The following PCNX1 variants were observed in gnomAD, a reference collection of about 807,000 sequenced individuals.
PCNX1 encodes the protein pecanex 1.
Under a neutral mutation model 242.2 loss-of-function variants are expected in PCNX1, and 78 were observed. The ratio of observed to expected loss-of-function variants is 0.32; its 90% CI spans 0.27 to 0.39. The LOEUF (loss-of-function observed/expected upper bound fraction) is 0.39. Among genes scored for constraint, PCNX1 ranks in the 10% least tolerant of loss-of-function variants. The pLI is 1.00. For synonymous variants in PCNX1, 1,024 were observed against 1,032.9 expected (o/e 0.99, Z 0.17); for missense variants, 2,581 against 2,856.5 (o/e 0.90, Z 2.20).
At position 71,108,962 on chromosome 14, in the gene PCNX1, T is replaced by C; in HGVS notation, c.6660T>C (p.Ser2220=). ...TTGCGACAGAGGGAGGTCAGAGCAG[T>C]GCCACTGATGCACAGCCAGGCAACA... ...GFLATEGGQS[S]ATDAQPGNTL... The change falls in exon 34 of 36, where the codon AGT becomes AGC. Residue 2220 remains serine (S), a synonymous_variant. Coordinates refer to ENST00000304743, the MANE Select transcript of PCNX1 (RefSeq NM_014982.3). 6.2e-7 allele frequency: 1 copy of C among 1,614,208 alleles called. No homozygotes were observed. Among genetic ancestry groups the C allele is most frequent in the Non-Finnish European group, 8.5e-7 (1 of 1,180,034 alleles).
chr14:70,908,431 C>G (rs1037143073), intron 1 of PCNX1, among the ~76,000 whole-genome samples: 1 of 152,126 alleles, frequency 6.6e-6, no homozygotes, highest in Non-Finnish European at 1.5e-5. Flanking sequence ...CGGCACTGCC[C>G]GCCCCCGCCG....
At chr14:70,939,325 T>C (rs2057138793) in intron 1 of PCNX1, among the ~76,000 whole-genome samples, 1 of 152,246 alleles carries the variant, frequency 6.6e-6, no homozygotes, top group Non-Finnish European at 1.5e-5. Context: ...GATTCTGGTA[T>C]GTTGTGTCTT....
chr14:70,980,047 G>T (rs2058793062), intron 6 of PCNX1, among the ~76,000 whole-genome samples: 1 of 150,466 alleles, frequency 6.6e-6, no homozygotes, highest in Admixed American at 6.6e-5. Context: ...CAGTATGCAA[G>T]AAACCATTGG....
intron 5 of PCNX1, among the ~76,000 whole-genome samples, chr14:70,971,925 A>T (rs1024722054): frequency 1.3e-5 from 2 of 152,208 alleles, no homozygotes; most frequent in African/African-American, 4.8e-5. Flanking sequence ...GCTAATTTTA[A>T]TTCTGAGTGA....
intron 6 of PCNX1, among the ~76,000 whole-genome samples, chr14:70,979,963 C>CTTTTT (rs372868612): frequency 1.5e-5 from 2 of 136,608 alleles, no homozygotes; most frequent in Non-Finnish European, 1.6e-5. Context: ...ATAGTTCTCT[C>CTTTTT]TTTTTTTTTT....
chr14:70,913,673 G>A (rs1402679860), intron 1 of PCNX1, among the ~76,000 whole-genome samples: 1 of 152,052 alleles, frequency 6.6e-6, no homozygotes, highest in African/African-American at 2.4e-5. Context: ...TGAGGATTAC[G>A]CTAAAGCTCT....
At chr14:71,010,663 G>T (rs2059798338) in intron 9 of PCNX1, among the ~76,000 whole-genome samples, 1 of 151,886 alleles carries the variant, frequency 6.6e-6, no homozygotes, top group Non-Finnish European at 1.5e-5. Context: ...TATTCAAATT[G>T]CACTTTGAAG....
chr14:71,025,152 A>G (rs1328069874), intron 13 of PCNX1, among the ~76,000 whole-genome samples: 16 of 152,162 alleles, frequency 1.1e-4, no homozygotes, highest in Admixed American at 1.0e-3. Context: ...TACTATAAGG[A>G]AGAGCTTTCC....
intron 12 of PCNX1, among the ~76,000 whole-genome samples, chr14:71,020,249 G>A (rs2060065065): frequency 6.6e-6 from 1 of 152,206 alleles, no homozygotes. Flanking sequence ...ACATACGTGT[G>A]CATGTGTCTT....
chr14:70,908,029 G>T, intron 1 of PCNX1, 26 bp downstream of exon 1: 1 of 1,540,274 alleles, frequency 6.5e-7, no homozygotes, highest in African/African-American at 1.4e-5. Flanking sequence ...GGGAGCGGGT[G>T]GCTCCTTCCC....
chr14:71,008,866 A>G (rs1300128649), intron 8 of PCNX1, among the ~76,000 whole-genome samples: 2 of 152,038 alleles, frequency 1.3e-5, no homozygotes, highest in African/African-American at 2.4e-5. Context: ...TAGATCCTCA[A>G]AGGGGAAGAA....
intron 3 of PCNX1, among the ~76,000 whole-genome samples, chr14:70,965,986 GAAAT>G (rs2058367152): frequency 6.6e-6 from 1 of 152,104 alleles, no homozygotes; most frequent in Admixed American, 6.5e-5. Context: ...TCATTTTTAG[GAAAT>G]TTAATGAGTG....
At chr14:70,964,133 C>T (rs924210845) in intron 3 of PCNX1, among the ~76,000 whole-genome samples, 4 of 152,142 alleles carry the variant, frequency 2.6e-5, no homozygotes, top group Non-Finnish European at 5.9e-5. Flanking sequence ...ATGGCACAAT[C>T]TTGGCTCACT....
rs559408930 is a variant in PCNX1, at chr14:71,075,709, C to T, written c.5107-480C>T. 2.6e-5 allele frequency among the ~76,000 whole-genome samples: 4 copies of T among 151,922 alleles called. No homozygotes were observed. In the South Asian group the frequency reaches 8.3e-4, roughly 32 times the overall value. On this transcript the variant is annotated intron_variant, in intron 27 of 35. Coordinates refer to ENST00000304743, the MANE Select transcript of PCNX1 (RefSeq NM_014982.3). ...GTCAGGAGTTCAAGACCAACCTGGC[C>T]AAAATGGTGAAAACCCATCTCTACT...
intron 8 of PCNX1, among the ~76,000 whole-genome samples, chr14:71,005,614 C>G (rs1468580120): frequency 6.6e-6 from 1 of 152,166 alleles, no homozygotes; most frequent in East Asian, 1.9e-4. Context: ...AGGATTTTTA[C>G]TGATAGGGTA....
chr14:71,026,065 TTTGTG>T, intron 13 of PCNX1, 47 bp from the exon 14 acceptor site: 2 of 1,227,302 alleles, frequency 1.6e-6, no homozygotes, highest in Non-Finnish European at 2.3e-6. Context: ...CCAGTAGTTA[TTTGTG>T]ACTCTTAAAA....
At chr14:70,960,074 GTTGT>G (rs1412931727) in intron 2 of PCNX1, among the ~76,000 whole-genome samples, 2 of 101,766 alleles carry the variant, frequency 2.0e-5, no homozygotes, top group East Asian at 2.2e-4. Context: ...TTTTGATGGG[GTTGT>G]TTGTTTTTTT....
intron 26 of PCNX1, 143 bp from the exon 27 acceptor site, chr14:71,073,402 T>C: frequency 1.3e-6 from 1 of 773,436 alleles, no homozygotes. Flanking sequence ...TACAATTTGT[T>C]AATGAATATT....
chr14:70,913,572 T>G (rs1388542630), intron 1 of PCNX1, among the ~76,000 whole-genome samples: 1 of 152,158 alleles, frequency 6.6e-6, no homozygotes, highest in Non-Finnish European at 1.5e-5. Context: ...TTAACAAAAT[T>G]TATAAAGGTT....
Sources: gnomAD v4.1 joint callset for allele counts (sites outside exome capture counted in the v4.1 genomes callset) on GRCh38, gnomAD v4.1.1 for gene constraint, MANE v1.5 for transcripts, NCBI Gene and HGNC (gene_info 2026-07-23, HGNC 2026-07-21) for gene names.